The following SEC14L4 variants were observed in gnomAD, a reference collection of about 807,000 sequenced individuals.
The protein encoded by SEC14L4 is SEC14-like protein 4.
In SEC14L4, 42 loss-of-function variants were observed where a neutral mutation model predicts 55.1. That is an observed-to-expected ratio of 0.76 (90% CI 0.60 to 0.99). SEC14L4 has a LOEUF of 0.99. Ranked by LOEUF, SEC14L4 falls within the 50% of genes least tolerant of loss-of-function variation. The pLI is 0.00. For missense variants in SEC14L4, 445 were observed against 512.1 expected (o/e 0.87, Z 1.27); for synonymous variants, 206 against 206.8 (o/e 1.00, Z 0.03).
rs1470802665 is a variant in SEC14L4 at position 30,491,503 on chromosome 22, C to T, written c.1081+70G>A. The T allele has an allele frequency of 2.5e-6, 4 of 1,585,514 alleles. No individual in the cohort carries two copies. In the Admixed American group the frequency reaches 5.1e-5, roughly 20 times the overall value. On this transcript the variant is annotated intron_variant, in intron 11 of 11. Coordinates refer to ENST00000255858, the MANE Select transcript of SEC14L4 (RefSeq NM_174977.4). ...AGAGATCCCCCCACCCTCCCGAGAG[C>T]TGGAAAGAGAGGGCAAGCAGAGGGG...
intron 2 of SEC14L4, 117 bp from the exon 3 acceptor site, chr22:30,496,088 A>C: frequency 1.4e-6 from 1 of 697,472 alleles, no homozygotes; most frequent in Non-Finnish European, 2.5e-6. Context: ...CCCCAATAAT[A>C]CATTGAACAT....
chr22:30,490,388 G>A, intron 11 of SEC14L4, 142 bp from the exon 12 acceptor site: 1 of 1,397,136 alleles, frequency 7.2e-7, no homozygotes, highest in African/African-American at 1.4e-5. Context: ...CCTTGGAAAT[G>A]AGCTGTCCAG....
At chr22:30,498,107 A>G (rs1370948569) in intron 2 of SEC14L4, among the ~76,000 whole-genome samples, 5 of 140,310 alleles carry the variant, frequency 3.6e-5, no homozygotes, top group Non-Finnish European at 7.8e-5. Flanking sequence ...TTTGAATGGT[A>G]TCTGACTTTT....
intron 1 of SEC14L4, among the ~76,000 whole-genome samples, chr22:30,504,785 C>T (rs961854462): frequency 6.6e-6 from 1 of 152,110 alleles, no homozygotes; most frequent in African/African-American, 2.4e-5. Context: ...AAGGCAAAGG[C>T]TGGGTTTGAA....
intron 2 of SEC14L4, among the ~76,000 whole-genome samples, chr22:30,499,622 C>T (rs1193474198): frequency 6.6e-6 from 1 of 151,222 alleles, no homozygotes; most frequent in African/African-American, 2.4e-5. Context: ...GCCTGTAATC[C>T]CAGCTAGTCA....
chr22:30,494,014 T>C, intron 7 of SEC14L4, 136 bp downstream of exon 7: 1 of 677,898 alleles, frequency 1.5e-6, no homozygotes, highest in East Asian at 2.7e-5. Flanking sequence ...AATAACTAAC[T>C]AACCAGAAAC....
rs771729953 is a variant in SEC14L4 at position 30,494,977 on chromosome 22, T to C, written c.424-16A>G. The C allele has an allele frequency of 6.2e-7, 1 of 1,607,266 alleles. No homozygotes were observed. Among genetic ancestry groups the C allele is most frequent in the South Asian group, 1.1e-5 (1 of 90,884 alleles). On this transcript the variant is annotated splice_polypyrimidine_tract_variant and intron_variant, in intron 5 of 11. Transcript: ENST00000255858. ...TCCTGCCCAGCTGCTTGGGACAGAG[T>C]CATATAGGTCAGACGACAGCTCCAG...
In SEC14L4 at chr22:30,504,614, G is replaced by A. The variant is rs1421887062; in HGVS notation, c.55-862C>T. ...AGATATATGTGAGCACTCAGCCAGC[G>A]TGGACTGCCTGATGCCCCGGACAAT... On this transcript the variant is annotated intron_variant, in intron 1 of 11. Coordinates refer to ENST00000255858, the MANE Select transcript of SEC14L4 (RefSeq NM_174977.4). Among the ~76,000 whole-genome samples the A allele has an allele frequency of 2.0e-5, 3 of 152,194 alleles. No individual in the cohort carries two copies. In the East Asian group the frequency reaches 5.8e-4, roughly 29 times the overall value.
chr22:30,494,304 C>A, intron 6 of SEC14L4, 94 bp from the exon 7 acceptor site: 1 of 899,856 alleles, frequency 1.1e-6, no homozygotes, highest in Non-Finnish European at 1.9e-6. Flanking sequence ...ACAAGAGGCC[C>A]ATCCCTGGCC....
Position 30,505,635 on chromosome 22 carries a change from T to A in SEC14L4, c.-24A>T. ...ATGGTGCCCGCGGGCGCAGAAAGGC[T>A]CAGGGCGCAGGTCCGCCCGCCCGCC... On this transcript the variant is annotated 5_prime_UTR_variant, in exon 1 of 12. Transcript: ENST00000255858. 6.5e-7 allele frequency: 1 copy of A among 1,540,744 alleles called. No homozygotes were observed. Among genetic ancestry groups the A allele is most frequent in the Non-Finnish European group, 8.7e-7 (1 of 1,148,288 alleles).
At chr22:30,503,341 C>T (rs544800407) in intron 2 of SEC14L4, among the ~76,000 whole-genome samples, 3 of 151,936 alleles carry the variant, frequency 2.0e-5, no homozygotes, top group South Asian at 2.1e-4. Context: ...CTCGGCTTAC[C>T]GCAACCTCTG....
At chr22:30,497,113 C>T (rs1343724551) in intron 2 of SEC14L4, among the ~76,000 whole-genome samples, 1 of 151,954 alleles carries the variant, frequency 6.6e-6, no homozygotes, top group South Asian at 2.1e-4. Context: ...CCAAGGCGGG[C>T]AGATCACTTG....
At position 30,491,961 on chromosome 22, in the gene SEC14L4, C is replaced by T; in HGVS notation, c.784G>A (p.Gly262Ser). The T allele has an allele frequency of 1.2e-6, 2 of 1,613,992 alleles. No individual in the cohort carries two copies. ...AGGTAGTAGCTCTTGGGCACCTCAC[C>T]CCCATAGTTGATCTGTGGGTGAAGG... ...PKCLTKINYGGEVPKSYYLCE... is the reference protein window; with the variant it reads ...PKCLTKINYGSEVPKSYYLCE... The change falls in exon 10 of 12, where the codon GGT becomes AGT. Residue 262 changes from glycine to serine, a missense_variant. By Grantham distance (56) the Gly-to-Ser change is moderately conservative. Transcript: ENST00000255858.
At chr22:30,496,648 G>A (rs974561675) in intron 2 of SEC14L4, among the ~76,000 whole-genome samples, 2 of 152,054 alleles carry the variant, frequency 1.3e-5, no homozygotes, top group African/African-American at 4.8e-5. Flanking sequence ...GTCTAGTGTT[G>A]CCCTTTTATT....
chr22:30,490,428 G>T, intron 11 of SEC14L4, 182 bp from the exon 12 acceptor site: 1 of 933,152 alleles, frequency 1.1e-6, no homozygotes. Context: ...GGGCCAGCCT[G>T]TGCCCAGCCC....
At chr22:30,496,668 A>AT (rs1936162500) in intron 2 of SEC14L4, among the ~76,000 whole-genome samples, 1 of 152,114 alleles carries the variant, frequency 6.6e-6, no homozygotes, top group African/African-American at 2.4e-5. Flanking sequence ...TTCCTGTGAA[A>AT]CCTTGAGCAA....
chr22:30,491,649 C>T lies in SEC14L4; in HGVS notation c.1005G>A (p.Glu335=). The change falls in exon 11 of 12, where the codon GAG becomes GAA. Residue 335 remains glutamate (E), a synonymous_variant. Transcript: ENST00000255858. ...GEQQSAREMT[E]VLPSQRYNAH... ...CATTGTAGCGCTGGCTGGGCAGCACCTCCGTCATCTCCCTAGCACTCTGCT... is the reference window on the plus strand; with the variant it reads ...CATTGTAGCGCTGGCTGGGCAGCACTTCCGTCATCTCCCTAGCACTCTGCT... 1.5e-5 allele frequency: 24 copies of T among 1,614,210 alleles called. No individual in the cohort carries two copies. Among genetic ancestry groups the T allele is most frequent in the Non-Finnish European group, 1.9e-5 (23 of 1,180,020 alleles).
intron 2 of SEC14L4, among the ~76,000 whole-genome samples, chr22:30,499,136 G>T (rs1936242933): frequency 6.6e-6 from 1 of 151,872 alleles, no homozygotes; most frequent in Admixed American, 6.6e-5. Context: ...CTAGAGACGG[G>T]GTTTCACCAT....
At chr22:30,498,114 T>G (rs1936207295) in intron 2 of SEC14L4, among the ~76,000 whole-genome samples, 2 of 151,380 alleles carry the variant, frequency 1.3e-5, no homozygotes, top group South Asian at 4.2e-4. Flanking sequence ...GGTATCTGAC[T>G]TTTCATTATC....
Sources: allele counts gnomAD v4.1 joint callset (sites outside exome capture counted in the v4.1 genomes callset), GRCh38; gene constraint gnomAD v4.1.1; transcripts MANE v1.5; gene names NCBI Gene and HGNC (gene_info 2026-07-23, HGNC 2026-07-21).